The following ZBTB7C variants were observed in gnomAD, a reference collection of about 807,000 sequenced individuals.
ZBTB7C encodes the protein zinc finger and BTB domain-containing protein 7C.
A neutral mutation model predicts 25.7 loss-of-function variants in ZBTB7C; 8 were observed. The ratio of observed to expected loss-of-function variants is 0.31; its 90% CI spans 0.18 to 0.56. ZBTB7C has a LOEUF of 0.56. ZBTB7C is among the 20% of genes least tolerant of loss of function. The probability of loss-of-function intolerance (pLI) is 0.91; values close to 1 mark genes in which losing one functional copy is unlikely to be tolerated. For missense variants in ZBTB7C, 824 were observed against 855.2 expected, an observed-to-expected ratio of 0.96 and a Z score of 0.46; for synonymous variants, 394 against 369.0, an observed-to-expected ratio of 1.07 and a Z score of -0.78.
At chr18:48,043,419 C>A (rs2036340023) in intron 3 of ZBTB7C, among the ~76,000 whole-genome samples, 1 of 152,158 alleles carries the variant, frequency 6.6e-6, no homozygotes, top group South Asian at 2.1e-4. Flanking sequence ...GGAGTGAATT[C>A]TCAATATGTG....
intron 2 of ZBTB7C, among the ~76,000 whole-genome samples, chr18:48,197,452 C>G (rs1051506557): frequency 6.6e-6 from 1 of 152,222 alleles, no homozygotes; most frequent in African/African-American, 2.4e-5. Context: ...CCAGAGATAA[C>G]AGCTCTCAAT....
intron 3 of ZBTB7C, among the ~76,000 whole-genome samples, chr18:48,110,819 T>C (rs1343980179): frequency 5.3e-5 from 8 of 151,648 alleles, no homozygotes. Context: ...CAGGAGGGGG[T>C]TCAGGATGAG....
Position 48,338,234 on chromosome 18 carries a change from C to A in ZBTB7C, c.-139G>T, listed in dbSNP as rs753816911. ...AAGCATTGATTCTTCTTGGATCTCC[C>A]CAGCAGTGCAGCCCCAAACGCCCAG... is the stretch of plus-strand genomic sequence containing the variant. On this transcript the variant is annotated 5_prime_UTR_variant, in exon 2 of 5. Coordinates refer to ENST00000590800, the MANE Select transcript of ZBTB7C (RefSeq NM_001318841.2). 5 of 152,240 alleles carry A rather than the reference C, an allele frequency of 3.3e-5. No individual in the cohort carries two copies. The highest frequency in any genetic ancestry group is 4.8e-5 in the African/African-American group (2 of 41,424). 9.4% of individuals were successfully genotyped at this position (152,240 alleles called of 1,614,324 possible).
chr18:48,106,358 A>G lies in ZBTB7C; in HGVS notation c.-16-65235T>C, dbSNP rs975685699. Among the ~76,000 whole-genome samples, 8 of 151,152 alleles carry G rather than the reference A, an allele frequency of 5.3e-5. No individual in the cohort carries two copies. In the South Asian group the frequency reaches 1.7e-3, roughly 32 times the overall value. On this transcript the variant is annotated intron_variant, in intron 3 of 4. Coordinates refer to ENST00000590800, the MANE Select transcript of ZBTB7C (RefSeq NM_001318841.2). ...CAAAAGTGGCAAGAAAAAAAAAAAA[A>G]GAAAAAGGCAATATTTAACTGAAAG...
intron 3 of ZBTB7C, among the ~76,000 whole-genome samples, chr18:48,106,692 C>A (rs2039039930): frequency 6.6e-6 from 1 of 152,066 alleles, no homozygotes; most frequent in Non-Finnish European, 1.5e-5. Context: ...ATCAGTCATG[C>A]CTCAATAAAG....
chr18:48,202,780 C>A lies in ZBTB7C; in HGVS notation c.-78-16785G>T, dbSNP rs72924039. ...GAGGTGGAACACGATGCACTGGGTG[C>A]CCTCTCCCCTGCAGCTTTACCCCAG... On this transcript the variant is annotated intron_variant, in intron 2 of 4. Transcript: ENST00000590800. Among the ~76,000 whole-genome samples, 543 of 152,032 alleles carry A rather than the reference C, an allele frequency of 3.6e-3. 3 individuals carry two copies. The highest frequency in any genetic ancestry group is 4.8e-3 in the Non-Finnish European group (324 of 67,962).
intron 1 of ZBTB7C, among the ~76,000 whole-genome samples, chr18:48,403,186 T>A (rs2048201148): frequency 6.6e-6 from 1 of 152,006 alleles, no homozygotes; most frequent in Non-Finnish European, 1.5e-5. Flanking sequence ...ACCAAAGAAG[T>A]AAATAAACAG....
chr18:48,350,242 T>C (rs1443833957), intron 1 of ZBTB7C, among the ~76,000 whole-genome samples: 1 of 152,200 alleles, frequency 6.6e-6, no homozygotes, highest in Non-Finnish European at 1.5e-5. Context: ...CTTAGCTGTA[T>C]TCCTTCCTGG....
At chr18:48,341,519 G>A (rs998529784) in intron 1 of ZBTB7C, among the ~76,000 whole-genome samples, 1 of 152,226 alleles carries the variant, frequency 6.6e-6, no homozygotes, top group Non-Finnish European at 1.5e-5. Flanking sequence ...ACCCATCAGC[G>A]AGATAGGTCT....
chr18:48,270,375 G>T (rs548212444), intron 2 of ZBTB7C, among the ~76,000 whole-genome samples: 19 of 150,210 alleles, frequency 1.3e-4, no homozygotes, highest in African/African-American at 4.2e-4. Flanking sequence ...GGGACTAAAG[G>T]CGTGTGCCAC....
At chr18:48,085,412 A>AT (rs1416939244) in intron 3 of ZBTB7C, among the ~76,000 whole-genome samples, 5 of 152,194 alleles carry the variant, frequency 3.3e-5, no homozygotes, top group Admixed American at 1.3e-4. Flanking sequence ...ATAAGACATG[A>AT]TTTTTTTCTG....
At chr18:48,057,672 C>T (rs949832393) in intron 3 of ZBTB7C, among the ~76,000 whole-genome samples, 3 of 152,198 alleles carry the variant, frequency 2.0e-5, no homozygotes, top group South Asian at 2.1e-4. Context: ...TCTATATTTT[C>T]GTCCTTCTTT....
intron 2 of ZBTB7C, among the ~76,000 whole-genome samples, chr18:48,216,488 G>C (rs1367834613): frequency 6.6e-6 from 1 of 152,122 alleles, no homozygotes; most frequent in African/African-American, 2.4e-5. Flanking sequence ...TGAGGGAAGA[G>C]AGATCTACAT....
chr18:48,325,254 G>A (rs1291368149), intron 2 of ZBTB7C, among the ~76,000 whole-genome samples: 1 of 152,194 alleles, frequency 6.6e-6, no homozygotes, highest in Non-Finnish European at 1.5e-5. Context: ...ATGCCTTGGA[G>A]GGGAAGAGCC....
At chr18:48,043,201 G>T (rs535664592) in intron 3 of ZBTB7C, among the ~76,000 whole-genome samples, 1 of 152,132 alleles carries the variant, frequency 6.6e-6, no homozygotes, top group Non-Finnish European at 1.5e-5. Context: ...AACAAAATAT[G>T]CAACCGCCAT....
chr18:48,258,080 T>C (rs2044070833), intron 2 of ZBTB7C, among the ~76,000 whole-genome samples: 1 of 152,086 alleles, frequency 6.6e-6, no homozygotes, highest in African/African-American at 2.4e-5. Flanking sequence ...AGAAAGAAAC[T>C]TCTTCAACCT....
intron 2 of ZBTB7C, among the ~76,000 whole-genome samples, chr18:48,323,495 A>G (rs1380512895): frequency 6.6e-6 from 1 of 152,254 alleles, no homozygotes; most frequent in African/African-American, 2.4e-5. Flanking sequence ...GGTCTCACCC[A>G]TGTGGGTCTT....
intron 2 of ZBTB7C, among the ~76,000 whole-genome samples, chr18:48,215,913 T>C (rs1410387489): frequency 6.6e-6 from 1 of 152,242 alleles, no homozygotes; most frequent in East Asian, 1.9e-4. Flanking sequence ...GGGCCTGCTG[T>C]CATGTGATGC....
chr18:48,182,487 C>T (rs2041953929), intron 3 of ZBTB7C, among the ~76,000 whole-genome samples: 1 of 152,170 alleles, frequency 6.6e-6, no homozygotes, highest in Admixed American at 6.5e-5. Context: ...CTAAAAATGC[C>T]ATGATAATAC....
Sources: allele counts gnomAD v4.1 joint callset (sites outside exome capture counted in the v4.1 genomes callset), GRCh38; gene constraint gnomAD v4.1.1; transcripts MANE v1.5; gene names NCBI Gene and HGNC (gene_info 2026-07-23, HGNC 2026-07-21).